Variants in CHAT observed in about 807,000 individuals in gnomAD.
CHAT encodes the protein choline O-acetyltransferase.
Under a neutral mutation model 76.9 loss-of-function variants are expected in CHAT, and 61 were observed. That is an observed-to-expected ratio of 0.79 (90% CI 0.65 to 0.98). CHAT has a LOEUF of 0.98. Among genes scored for constraint, CHAT ranks in the 50% least tolerant of loss-of-function variants. The pLI is 0.00. For synonymous variants in CHAT, 407 were observed against 397.4 expected (o/e 1.02, Z -0.29); for missense variants, 946 against 986.9 (o/e 0.96, Z 0.56).
Position 49,667,413 on chromosome 10 carries a change from C to T in CHAT, c.*2367C>T, listed in dbSNP as rs566618436. Among the ~76,000 whole-genome samples, 3 of 152,342 alleles carry T rather than the reference C, an allele frequency of 2.0e-5. No individual in the cohort carries two copies. The highest frequency in any genetic ancestry group is 1.3e-4 in the Admixed American group (2 of 15,298). On this transcript the variant is annotated 3_prime_UTR_variant, in exon 15 of 15. Coordinates refer to ENST00000337653, the MANE Select transcript of CHAT (RefSeq NM_020549.5). ...TCTCCGAGCACATGGAAAGGTAACT[C>T]ACTCTGTACATTCAGATATCAAACT...
At chr10:49,663,186 C>G (rs1385551443) in intron 14 of CHAT, among the ~76,000 whole-genome samples, 1 of 152,072 alleles carries the variant, frequency 6.6e-6, no homozygotes. Context: ...GCCCTGATTG[C>G]ACCACTGCAT....
At chr10:49,660,174 C>T (rs552164452) in intron 13 of CHAT, among the ~76,000 whole-genome samples, 2 of 152,252 alleles carry the variant, frequency 1.3e-5, no homozygotes, top group Non-Finnish European at 2.9e-5. Context: ...GGTGCAGTGG[C>T]TCACGCCTGT....
At chr10:49,611,444 T>G (rs1368301230), upstream of CHAT, 4 of 1,598,144 alleles carry the variant, frequency 2.5e-6, no homozygotes, top group Non-Finnish European at 8.5e-7. Flanking sequence ...GGGGGCATCC[T>G]CTATGAGTTC....
At chr10:49,659,673 C>G (rs1038924123) in intron 13 of CHAT, among the ~76,000 whole-genome samples, 1 of 152,036 alleles carries the variant, frequency 6.6e-6, no homozygotes, top group African/African-American at 2.4e-5. Context: ...ACCAGCCTGG[C>G]CAACATGGCA....
In CHAT at chr10:49,665,012, A is replaced by C; in HGVS notation, c.2213A>C (p.Lys738Thr). The C allele has an allele frequency of 6.2e-7, 1 of 1,614,128 alleles. No homozygotes were observed. Among genetic ancestry groups the C allele is most frequent in the Non-Finnish European group, 8.5e-7 (1 of 1,180,028 alleles). Residue 738 changes from lysine (K) to threonine (T), a missense_variant, in exon 15 of 15, where the codon AAA becomes ACA. Around this residue, in one of 3 missense-constraint regions of CHAT, gnomAD observed 349 missense variants for 393.9 expected, o/e 0.89. Coordinates refer to ENST00000337653, the MANE Select transcript of CHAT (RefSeq NM_020549.5). Reference protein sequence around the residue: ...TESKPLATKEKATRPSQGHQP With the variant: ...TESKPLATKETATRPSQGHQP ...AGCAAGCCATTGGCAACAAAGGAAA[A>C]AGCCACGAGGCCCAGCCAGGGACAC...
intron 1 of CHAT, among the ~76,000 whole-genome samples, chr10:49,614,695 G>A (rs570208272): frequency 6.6e-6 from 1 of 152,326 alleles, no homozygotes; most frequent in East Asian, 1.9e-4. Flanking sequence ...TCAGGGCTTC[G>A]GGACTCCAAG....
In CHAT at chr10:49,625,780, G is replaced by A. The variant is rs567007852; in HGVS notation, c.933+127G>A. ...GTCACACAGGGAGCTGGGGCACCATGTCTCCAAAGTGGGGCCCCTACTTCC... is the reference window on the plus strand; with the variant it reads ...GTCACACAGGGAGCTGGGGCACCATATCTCCAAAGTGGGGCCCCTACTTCC... On this transcript the variant is annotated intron_variant, in intron 6 of 14. Transcript: ENST00000337653. The A allele has an allele frequency of 3.4e-5, 35 of 1,035,110 alleles. No homozygotes were observed. In the East Asian group the frequency reaches 9.1e-4, roughly 27 times the overall value. The allele number at this position is 1,035,110 out of a possible 1,614,324, so 64.1% of individuals were successfully genotyped here. A position where few individuals can be genotyped will look rare whatever the true frequency, so the allele number is the denominator to read the frequency against.
chr10:49,646,707 G>C (rs1428181726), intron 8 of CHAT, 33 bp downstream of exon 8: 1 of 1,610,114 alleles, frequency 6.2e-7, no homozygotes, highest in African/African-American at 1.3e-5. Context: ...CAAGAGCACA[G>C]CCATGCCCCC....
At chr10:49,629,586 G>C (rs984014375) in intron 7 of CHAT, among the ~76,000 whole-genome samples, 2 of 152,242 alleles carry the variant, frequency 1.3e-5, no homozygotes, top group African/African-American at 2.4e-5. Flanking sequence ...CCAGGCCCAA[G>C]ACACGCCCTT....
chr10:49,612,271 C>T (rs139485937), upstream of CHAT: 35 of 1,610,952 alleles, frequency 2.2e-5, no homozygotes, highest in African/African-American at 3.5e-4. Context: ...GGACGGCGAG[C>T]CTCGCAGCCC....
At chr10:49,640,194 C>T (rs1005448969) in intron 7 of CHAT, among the ~76,000 whole-genome samples, 29 of 151,970 alleles carry the variant, frequency 1.9e-4, no homozygotes, top group African/African-American at 7.0e-4. Flanking sequence ...TTATTTGAGA[C>T]GGAGTCTCAC....
chr10:49,625,708 G>A (rs1044173207), intron 6 of CHAT, 55 bp downstream of exon 6: 9 of 1,506,332 alleles, frequency 6.0e-6, no homozygotes, highest in East Asian at 2.5e-5. Context: ...GTGGCCATGC[G>A]TTCACGTCCA....
In CHAT at chr10:49,650,527, A is replaced by G. The variant is rs574446516; in HGVS notation, c.1511+891A>G. 1.2e-4 allele frequency among the ~76,000 whole-genome samples: 19 copies of G among 152,290 alleles called. No homozygotes were observed. In the South Asian group the frequency reaches 2.1e-3, roughly 17 times the overall value. On this transcript the variant is annotated intron_variant, in intron 10 of 14. Transcript: ENST00000337653. ...AAGAGGCAGAAAGGCAGCTTCTTCA[A>G]GCTTGTACAAGTTCATAATGATGAA...
At chr10:49,648,737 ACAC>A in intron 9 of CHAT, 130 bp downstream of exon 9, 2 of 659,708 alleles carry the variant, frequency 3.0e-6, no homozygotes, top group Non-Finnish European at 5.5e-6. Context: ...ACACACACAC[ACAC>A]ACACACACAC....
intron 2 of CHAT, 92 bp downstream of exon 2, chr10:49,616,694 C>A: frequency 1.1e-6 from 1 of 915,038 alleles, no homozygotes. Flanking sequence ...TGGCCCCCAG[C>A]ATTTGCCTGG....
intron 1 of CHAT, among the ~76,000 whole-genome samples, chr10:49,615,343 T>C (rs962121173): frequency 6.6e-6 from 1 of 152,202 alleles, no homozygotes; most frequent in African/African-American, 2.4e-5. Flanking sequence ...CCCACAGCAC[T>C]GGGAGGCGTG....
upstream of CHAT, chr10:49,611,280 G>T: frequency 6.2e-7 from 1 of 1,610,776 alleles, no homozygotes; most frequent in Non-Finnish European, 8.5e-7. Flanking sequence ...CGCTGTTCGC[G>T]GCGCGCAGCC....
intron 6 of CHAT, among the ~76,000 whole-genome samples, chr10:49,627,305 G>T (rs1413857461): frequency 6.6e-6 from 1 of 152,238 alleles, no homozygotes; most frequent in Non-Finnish European, 1.5e-5. Flanking sequence ...GATAGACACT[G>T]CCCTCCAACA....
At chr10:49,625,715 T>A (rs1273723822) in intron 6 of CHAT, 62 bp downstream of exon 6, 3 of 1,480,382 alleles carry the variant, frequency 2.0e-6, no homozygotes, top group Non-Finnish European at 2.8e-6. Flanking sequence ...TGCGTTCACG[T>A]CCATTACCTT....
Sources: gnomAD v4.1 joint callset for allele counts (sites outside exome capture counted in the v4.1 genomes callset) on GRCh38, gnomAD v4.1.1 for gene constraint, gnomAD v4.1.1 regional missense constraint, MANE v1.5 for transcripts, NCBI Gene and HGNC (gene_info 2026-07-23, HGNC 2026-07-21) for gene names.